The following CSMD1 variants were observed in gnomAD, a reference collection of about 807,000 sequenced individuals.
The protein encoded by CSMD1 is CUB and Sushi multiple domains 1.
In CSMD1, 213 loss-of-function variants were observed where a neutral mutation model predicts 417.5. The observed-to-expected ratio is 0.51, with a 90% confidence interval of 0.46 to 0.57. The LOEUF (loss-of-function observed/expected upper bound fraction) is 0.57, where lower values mean the gene tolerates loss of function less well. Ranked by LOEUF, CSMD1 falls within the 20% of genes least tolerant of loss-of-function variation. CSMD1 has a pLI of 0.00. For missense variants in CSMD1, 6,923 were observed against 4,529.7 expected (o/e 1.53, Z -15.17); for synonymous variants, 2,862 against 1,736.8 (o/e 1.65, Z -16.11).
At chr8:3,360,253 A>G (rs1314165186) in intron 20 of CSMD1, among the ~76,000 whole-genome samples, 3 of 152,240 alleles carry the variant, frequency 2.0e-5, no homozygotes, top group Non-Finnish European at 4.4e-5. Flanking sequence ...ATAAATTAAA[A>G]AATAAATGTC....
chr8:3,411,193 G>C (rs73657843), intron 12 of CSMD1, among the ~76,000 whole-genome samples: 1 of 152,048 alleles, frequency 6.6e-6, no homozygotes, highest in South Asian at 2.1e-4. Flanking sequence ...AGCAGAGGCA[G>C]GTGAAAAGTG....
chr8:4,485,389 C>T (rs1462258784), intron 2 of CSMD1, among the ~76,000 whole-genome samples: 2 of 152,084 alleles, frequency 1.3e-5, no homozygotes, highest in African/African-American at 2.4e-5. Context: ...AACCATTGCC[C>T]TACAGACGGG....
chr8:3,413,168 C>T (rs1812922941), intron 12 of CSMD1, among the ~76,000 whole-genome samples: 1 of 152,300 alleles, frequency 6.6e-6, no homozygotes, highest in Non-Finnish European at 1.5e-5. Context: ...ACAATTATTA[C>T]TATGATTATT....
intron 41 of CSMD1, among the ~76,000 whole-genome samples, chr8:3,141,243 G>A (rs775578506): frequency 1.7e-4 from 26 of 152,236 alleles, no homozygotes; most frequent in Admixed American, 3.9e-4. Flanking sequence ...TCCCCTGTGC[G>A]TCTGTGAAAC....
chr8:4,030,655 C>G (rs1047789698), intron 4 of CSMD1, among the ~76,000 whole-genome samples: 2 of 152,168 alleles, frequency 1.3e-5, no homozygotes, highest in African/African-American at 4.8e-5. Flanking sequence ...TCCCCATGGT[C>G]TTGGGGATTA....
At chr8:4,248,565 C>T (rs1802851735) in intron 3 of CSMD1, among the ~76,000 whole-genome samples, 1 of 152,138 alleles carries the variant, frequency 6.6e-6, no homozygotes, top group Non-Finnish European at 1.5e-5. Flanking sequence ...TTCTCTTTGG[C>T]TAACTCTCTC....
chr8:2,974,305 AT>A, intron 56 of CSMD1, 145 bp downstream of exon 56: 1 of 693,490 alleles, frequency 1.4e-6, no homozygotes. Context: ...AGAGCGGCGT[AT>A]TTGGCTAGAA....
rs562251977 is a variant in CSMD1, at chr8:4,427,584, C to T, written c.303-7519G>A. On this transcript the variant is annotated intron_variant, in intron 2 of 69. Coordinates refer to ENST00000635120, the MANE Select transcript of CSMD1 (RefSeq NM_033225.6). The stretch of plus-strand genomic sequence containing the variant: ...CTTACCAGATTAAAATGTCCGCCAT[C>T]ATTTGGAGAGAGACTCGAAGTAAAA... Among the ~76,000 whole-genome samples, 5 of 152,138 alleles carry T rather than the reference C, an allele frequency of 3.3e-5. No homozygotes were observed. In the South Asian group the frequency reaches 1.0e-3, roughly 32 times the overall value.
At chr8:4,611,128 T>G (rs937079823) in intron 2 of CSMD1, among the ~76,000 whole-genome samples, 31 of 152,148 alleles carry the variant, frequency 2.0e-4, no homozygotes, top group Non-Finnish European at 3.7e-4. Flanking sequence ...ATAATGGCTG[T>G]TACTGTTTAG....
intron 3 of CSMD1, among the ~76,000 whole-genome samples, chr8:4,295,283 CATATAATCTTAAGATTATCT>C (rs1218966233): frequency 7.7e-5 from 8 of 104,010 alleles, no homozygotes; most frequent in African/African-American, 1.6e-4. Flanking sequence ...ATTATATGCA[CATATAATCTTAAGATTATCT>C]ATATAATCTT....
chr8:4,131,024 A>G (rs1421571488), intron 3 of CSMD1, among the ~76,000 whole-genome samples: 2 of 152,152 alleles, frequency 1.3e-5, no homozygotes, highest in Non-Finnish European at 2.9e-5. Context: ...TAATGACTCC[A>G]CTGGCTCAAG....
chr8:4,228,586 G>C (rs562138991), intron 3 of CSMD1, among the ~76,000 whole-genome samples: 28 of 114,254 alleles, frequency 2.5e-4, no homozygotes, highest in Admixed American at 2.2e-3. Context: ...TTCTCTGTCA[G>C]ATCTTTTTTT....
intron 6 of CSMD1, among the ~76,000 whole-genome samples, chr8:3,742,289 A>T (rs1369263357): frequency 6.6e-6 from 1 of 152,222 alleles, no homozygotes; most frequent in Non-Finnish European, 1.5e-5. Flanking sequence ...CATAACGTTC[A>T]TACAAATGTT....
At chr8:3,878,959 T>C (rs1806018079) in intron 5 of CSMD1, among the ~76,000 whole-genome samples, 2 of 152,196 alleles carry the variant, frequency 1.3e-5, no homozygotes, top group South Asian at 2.1e-4. Flanking sequence ...GACTAAGTTT[T>C]TAAAATCATG....
At chr8:3,809,510 G>C (rs149952026) in intron 5 of CSMD1, among the ~76,000 whole-genome samples, 3,841 of 152,210 alleles carry the variant, frequency 0.025, 60 homozygotes, top group African/African-American at 0.048. Context: ...TTTTAATTGG[G>C]TCATCCCAGA....
At chr8:4,771,095 C>G (rs993720384) in intron 1 of CSMD1, among the ~76,000 whole-genome samples, 1 of 152,150 alleles carries the variant, frequency 6.6e-6, no homozygotes, top group African/African-American at 2.4e-5. Context: ...GTAAATAACT[C>G]ATAGCACTCA....
intron 10 of CSMD1, among the ~76,000 whole-genome samples, chr8:3,560,839 T>A (rs1247159178): frequency 1.3e-5 from 2 of 152,164 alleles, no homozygotes; most frequent in South Asian, 2.1e-4. Flanking sequence ...ACACAATGGC[T>A]TAGGGTAAAG....
intron 23 of CSMD1, among the ~76,000 whole-genome samples, chr8:3,328,284 C>T (rs932176211): frequency 1.3e-4 from 20 of 152,152 alleles, no homozygotes; most frequent in Admixed American, 5.2e-4. Context: ...AATGCTTTTT[C>T]CACATTGGCG....
At chr8:4,343,855 C>T (rs1210891651) in intron 3 of CSMD1, among the ~76,000 whole-genome samples, 2 of 152,148 alleles carry the variant, frequency 1.3e-5, no homozygotes, top group African/African-American at 2.4e-5. Flanking sequence ...CGTACATCTC[C>T]TGTAGCATAT....
Sources: allele counts gnomAD v4.1 joint callset (sites outside exome capture counted in the v4.1 genomes callset), GRCh38; gene constraint gnomAD v4.1.1; transcripts MANE v1.5; gene names NCBI Gene and HGNC (gene_info 2026-07-23, HGNC 2026-07-21).